AHR: variants seen among roughly 807,000 people sequenced by gnomAD.
AHR encodes AH-receptor.
A neutral mutation model predicts 86.8 loss-of-function variants in AHR; 40 were observed. That is an observed-to-expected ratio of 0.46 (90% confidence interval 0.36 to 0.60). The LOEUF (loss-of-function observed/expected upper bound fraction) is 0.60, where lower values mean the gene tolerates loss of function less well. Ranked by LOEUF, AHR falls within the 20% of genes least tolerant of loss-of-function variation. The probability of loss-of-function intolerance (pLI) is 0.00; values close to 1 mark genes in which losing one functional copy is unlikely to be tolerated. For synonymous variants in AHR, 398 were observed against 354.9 expected (o/e 1.12, Z -1.37); for missense variants, 1,001 against 1,011.6 (o/e 0.99, Z 0.14).
At chr7:17,337,666 G>C (rs1325226021) in intron 9 of AHR, among the ~76,000 whole-genome samples, 1 of 150,850 alleles carries the variant, frequency 6.6e-6, no homozygotes, top group Non-Finnish European at 1.5e-5. Flanking sequence ...TAGTAGAGAT[G>C]GGGTTTCACC....
At chr7:17,315,086 A>G (rs1359884689) in intron 2 of AHR, among the ~76,000 whole-genome samples, 7 of 152,050 alleles carry the variant, frequency 4.6e-5, no homozygotes, top group Non-Finnish European at 1.0e-4. Context: ...CTAAAACTAT[A>G]TAAACCTAGG....
chr7:17,300,705 C>G (rs1781946550), intron 1 of AHR, among the ~76,000 whole-genome samples: 1 of 151,998 alleles, frequency 6.6e-6, no homozygotes, highest in Admixed American at 6.5e-5. Flanking sequence ...AGAATGGTTT[C>G]TTATATTAAA....
chr7:17,302,483 G>C (rs1468289319), intron 1 of AHR, among the ~76,000 whole-genome samples: 1 of 151,686 alleles, frequency 6.6e-6, no homozygotes, highest in Admixed American at 6.6e-5. Flanking sequence ...TTTTAAAATA[G>C]CATCTAAAAT....
chr7:17,310,487 A>G (rs1352239715), intron 2 of AHR, among the ~76,000 whole-genome samples: 4 of 151,622 alleles, frequency 2.6e-5, no homozygotes, highest in African/African-American at 7.3e-5. Flanking sequence ...CTGTGTTTTC[A>G]TAGACATGTC....
At chr7:17,310,570 T>A (rs1002166603) in intron 2 of AHR, among the ~76,000 whole-genome samples, 1 of 151,932 alleles carries the variant, frequency 6.6e-6, no homozygotes, top group Non-Finnish European at 1.5e-5. Context: ...CTTTTGCTCT[T>A]GTTGCCCAGG....
At chr7:17,304,221 T>G (rs1237347937) in intron 1 of AHR, among the ~76,000 whole-genome samples, 1 of 152,162 alleles carries the variant, frequency 6.6e-6, no homozygotes, top group Non-Finnish European at 1.5e-5. Flanking sequence ...TGTCTTACTG[T>G]GGTAGTTAGG....
chr7:17,327,398 C>T (rs1782240632), intron 3 of AHR, among the ~76,000 whole-genome samples: 1 of 151,800 alleles, frequency 6.6e-6, no homozygotes, highest in South Asian at 2.1e-4. Context: ...ACATCTTTGC[C>T]TCCTGTTTCC....
chr7:17,301,749 C>G (rs958088532), intron 1 of AHR, among the ~76,000 whole-genome samples: 5 of 151,842 alleles, frequency 3.3e-5, no homozygotes, highest in African/African-American at 4.8e-5. Flanking sequence ...TCAATTTAAT[C>G]CCACTGAAGT....
Position 17,340,295 on chromosome 7 carries a change from A to AT in AHR, c.2403+73dup, listed in dbSNP as rs1157586119. The AT allele has an allele frequency of 5.4e-6, 8 of 1,494,242 alleles. 1 individual carries two copies. Among genetic ancestry groups the AT allele is most frequent in the South Asian group, 2.8e-5 (2 of 70,980 alleles). 92.6% of individuals were successfully genotyped at this position (1,494,242 alleles called of 1,614,324 possible). On this transcript the variant is annotated intron_variant, in intron 10 of 10. Transcript: ENST00000242057. ...TTTTTACCTTATAGACATGTTACAC[A>AT]TTTTTTATGTCAGCTGATTTTAATC...
In AHR at chr7:17,298,830, G is replaced by A; in HGVS notation, c.-435G>A. ...TAGGAAGTCCCGGGAGCAGCGCGGC[G>A]GCACCTCCCTCACCCAAGGGGCCGC... On this transcript the variant is annotated 5_prime_UTR_variant, in exon 1 of 11. Transcript: ENST00000242057. 2.5e-6 allele frequency: 1 copy of A among 398,290 alleles called. No individual in the cohort carries two copies. The highest frequency in any genetic ancestry group is 3.6e-5 in the East Asian group (1 of 28,028). The allele number at this position is 398,290 out of a possible 1,614,324, so 24.7% of individuals were successfully genotyped here. A position where few individuals can be genotyped will look rare whatever the true frequency, so the allele number is the denominator to read the frequency against.
intron 6 of AHR, among the ~76,000 whole-genome samples, chr7:17,332,661 T>C (rs1049310565): frequency 3.3e-5 from 5 of 151,946 alleles, no homozygotes; most frequent in Non-Finnish European, 7.4e-5. Flanking sequence ...TGTTTAAGTG[T>C]TATTACAGAA....
intron 10 of AHR, among the ~76,000 whole-genome samples, chr7:17,342,246 C>A (rs1203120997): frequency 2.0e-5 from 3 of 152,020 alleles, no homozygotes; most frequent in African/African-American, 2.4e-5. Context: ...CATGTCCTTC[C>A]TTTTTATTTT....
rs1781918798 is a variant in AHR, at chr7:17,298,845, C to CA, written c.-418dup. On this transcript the variant is annotated 5_prime_UTR_variant, in exon 1 of 11. Transcript: ENST00000242057. The stretch of plus-strand genomic sequence containing the variant: ...GCAGCGCGGCGGCACCTCCCTCACC[C>CA]AAGGGGCCGCGGCGACGGTCACGGG... 1 of 398,906 alleles carries CA rather than the reference C, an allele frequency of 2.5e-6. No homozygotes were observed. Among genetic ancestry groups the CA allele is most frequent in the African/African-American group, 2.1e-5 (1 of 48,574 alleles). 24.7% of individuals were successfully genotyped at this position (398,906 alleles called of 1,614,324 possible).
chr7:17,299,186 A>T lies in AHR; in HGVS notation c.-79A>T. On this transcript the variant is annotated 5_prime_UTR_variant, in exon 1 of 11. Transcript: ENST00000242057. The stretch of plus-strand genomic sequence containing the variant: ...CGCGGAACCCGGCGCCGGCCGCCGC[A>T]GTGGTCCCAGCCTACACCGGGTTCC... 6.8e-7 allele frequency: 1 copy of T among 1,470,720 alleles called. No individual in the cohort carries two copies. Among genetic ancestry groups the T allele is most frequent in the South Asian group, 1.3e-5 (1 of 77,306 alleles). 91.1% of individuals were successfully genotyped at this position (1,470,720 alleles called of 1,614,324 possible).
At chr7:17,330,735 G>T in intron 5 of AHR, 21 bp from the exon 6 acceptor site, 1 of 1,529,174 alleles carries the variant, frequency 6.5e-7, no homozygotes, top group Non-Finnish European at 8.8e-7. Context: ...AGTAAATTTT[G>T]TTTTGCCTTT....
chr7:17,342,683 C>G, intron 10 of AHR, among the ~76,000 whole-genome samples: 1 of 152,066 alleles, frequency 6.6e-6, no homozygotes. Flanking sequence ...TCATCTGTAC[C>G]ATGTTCAAAA....
At position 17,343,819 on chromosome 7, in the gene AHR, T is replaced by C. The variant is rs1160156365; in HGVS notation, c.*755T>C. On this transcript the variant is annotated 3_prime_UTR_variant, in exon 11 of 11. Transcript: ENST00000242057. ...AAATAATGATCGAAAAAATAATTAT[T>C]TATTACATAATTTAGTTGTTTCTAG... The C allele has an allele frequency of 6.6e-6, 1 of 152,606 alleles. No individual in the cohort carries two copies. Among genetic ancestry groups the C allele is most frequent in the East Asian group, 1.9e-4 (1 of 5,238 alleles). 9.5% of individuals were successfully genotyped at this position (152,606 alleles called of 1,614,324 possible).
At chr7:17,322,712 G>GT in intron 3 of AHR, 105 bp downstream of exon 3, 1 of 792,642 alleles carries the variant, frequency 1.3e-6, no homozygotes, top group Non-Finnish European at 2.0e-6. Flanking sequence ...TTTGCTCAAT[G>GT]TTTTTTGCCA....
Position 17,343,319 on chromosome 7 carries a change from A to C in AHR, c.*255A>C. Reference sequence around the variant, plus strand: ...AGTGGTGAGGTACCGTCTACATTTCACATTATTCTGGGCACCACAAAATAT... The same window carrying C: ...AGTGGTGAGGTACCGTCTACATTTCCCATTATTCTGGGCACCACAAAATAT... On this transcript the variant is annotated 3_prime_UTR_variant, in exon 11 of 11. Coordinates refer to ENST00000242057, the MANE Select transcript of AHR (RefSeq NM_001621.5). The C allele has an allele frequency of 4.4e-6, 2 of 459,212 alleles. No homozygotes were observed. The highest frequency in any genetic ancestry group is 4.2e-5 in the East Asian group (1 of 23,786). The allele number at this position is 459,212 out of a possible 1,614,324, so 28.4% of individuals were successfully genotyped here.
Sources: gnomAD v4.1 joint callset for allele counts (sites outside exome capture counted in the v4.1 genomes callset) on GRCh38, gnomAD v4.1.1 for gene constraint, MANE v1.5 for transcripts, NCBI Gene and HGNC (gene_info 2026-07-23, HGNC 2026-07-21) for gene names.